The following GLUD1 variants were observed in gnomAD, a reference collection of about 807,000 sequenced individuals.
GLUD1 encodes the protein glutamate dehydrogenase 1, mitochondrial.
In GLUD1, 22 loss-of-function variants were observed where a neutral mutation model predicts 56.0. The observed-to-expected ratio is 0.39, with a 90% CI of 0.28 to 0.56. The LOEUF (loss-of-function observed/expected upper bound fraction) is 0.56. Among genes scored for constraint, GLUD1 ranks in the 20% least tolerant of loss-of-function variants. The pLI, the probability that GLUD1 is intolerant of heterozygous loss-of-function variation, is 0.58. For synonymous variants in GLUD1, 223 were observed against 269.9 expected, an observed-to-expected ratio of 0.83 and a Z score of 1.70; for missense variants, 451 against 732.0, an observed-to-expected ratio of 0.62 and a Z score of 4.43.
In GLUD1 at chr10:87,094,348, T is replaced by A; in HGVS notation, c.422A>T (p.Gln141Leu). Reference sequence around the variant, plus strand: ...ACCTCCCTTGCAGGGCGTGCGGTGCTGGCTGTGCTGGGCCCGGTAGCCTTC... The same window carrying A: ...ACCTCCCTTGCAGGGCGTGCGGTGCAGGCTGTGCTGGGCCCGGTAGCCTTC... ...VIEGYRAQHS[Q>L]HRTPCKGGIR... Residue 141 changes from glutamine to leucine, a missense_variant, in exon 1 of 13, where the codon CAG (glutamine) becomes CTG (leucine). Gln to Leu is a moderately radical substitution (Grantham distance 113, BLOSUM62 -2). Coordinates refer to ENST00000277865, the MANE Select transcript of GLUD1 (RefSeq NM_005271.5). This position sits in a 1 kb window ranked among gnomAD's most constrained non-coding sequence, Gnocchi z 6.6. The A allele has an allele frequency of 6.2e-7, 1 of 1,610,938 alleles. No homozygotes were observed. The highest frequency in any genetic ancestry group is 8.5e-7 in the Non-Finnish European group (1 of 1,179,150).
chr10:87,093,244 A>G (rs1297022123), intron 1 of GLUD1, among the ~76,000 whole-genome samples: 2 of 152,260 alleles, frequency 1.3e-5, no homozygotes, highest in African/African-American at 4.8e-5. Context: ...ACATGGGTCT[A>G]GCCCAACATC....
intron 3 of GLUD1, 97 bp from the exon 4 acceptor site, chr10:87,074,711 A>C: frequency 5.2e-6 from 4 of 770,476 alleles, no homozygotes; most frequent in Non-Finnish European, 9.4e-6. Context: ...GTACATTTTC[A>C]TATGTCTTCT....
At chr10:87,080,398 C>T in intron 1 of GLUD1, among the ~76,000 whole-genome samples, 1 of 151,758 alleles carries the variant, frequency 6.6e-6, no homozygotes. Context: ...CCTGGCCGCC[C>T]ATCGTCTGAG....
chr10:87,071,916 CAA>C (rs1046252916), intron 4 of GLUD1, among the ~76,000 whole-genome samples: 1 of 152,142 alleles, frequency 6.6e-6, no homozygotes, highest in Non-Finnish European at 1.5e-5. Flanking sequence ...TGAAAGAAAT[CAA>C]GAGACCTAAA....
intron 1 of GLUD1, among the ~76,000 whole-genome samples, chr10:87,079,998 G>A (rs1841169806): frequency 6.7e-6 from 1 of 148,554 alleles, no homozygotes; most frequent in Non-Finnish European, 1.5e-5. Flanking sequence ...GCGGAAGCTG[G>A]ACTGTACTGC....
chr10:87,069,896 T>C (rs957444298), intron 4 of GLUD1, among the ~76,000 whole-genome samples: 3 of 152,116 alleles, frequency 2.0e-5, no homozygotes, highest in African/African-American at 7.2e-5. Context: ...TCTTGTGAAG[T>C]CTAATCCCCA....
chr10:87,064,034 C>T (rs1445007059), intron 5 of GLUD1, among the ~76,000 whole-genome samples: 4 of 152,230 alleles, frequency 2.6e-5, no homozygotes, highest in South Asian at 2.1e-4. Context: ...CCCACCATCA[C>T]GCCCGGCTAA....
At position 87,094,438 on chromosome 10, in the gene GLUD1, G is replaced by A. The variant is rs745352192; in HGVS notation, c.332C>T (p.Pro111Leu). ...GGAGAGACTCAGCACATGGTTGCAG[G>A]GCTTGATGATCCGCAGGATGCCGCG... ...RVRGILRIIK[P>L]CNHVLSLSFP... Residue 111 changes from proline (P) to leucine (L), a missense_variant, in exon 1 of 13, where the codon CCC (proline) becomes CTC (leucine). Transcript: ENST00000277865. The surrounding 1 kb of genome is among the most constrained non-coding windows in gnomAD (Gnocchi z 6.6). 2.5e-6 allele frequency: 4 copies of A among 1,613,788 alleles called. No homozygotes were observed. Among genetic ancestry groups the A allele is most frequent in the Non-Finnish European group, 3.4e-6 (4 of 1,179,948 alleles).
At chr10:87,060,476 G>T in intron 8 of GLUD1, 1 of 674,968 alleles carries the variant, frequency 1.5e-6, no homozygotes, top group Non-Finnish European at 2.5e-6. Context: ...GTGTCAGGCA[G>T]ATGCGTTTGT....
In GLUD1 at chr10:87,075,674, C is replaced by T. The variant is rs193177500; in HGVS notation, c.582+294G>A. On this transcript the variant is annotated intron_variant, in intron 3 of 12. Transcript: ENST00000277865. ...CGGTGGCTCATGCCTGCAATCCTAG[C>T]ACTCTGGGAGGCCAAGGCAGGTGGA... Among the ~76,000 whole-genome samples the T allele has an allele frequency of 2.4e-3, 363 of 152,300 alleles. 1 individual carries two copies. Among genetic ancestry groups the T allele is most frequent in the African/African-American group, 8.1e-3 (335 of 41,570 alleles).
chr10:87,054,214 G>A (rs1239174248), intron 11 of GLUD1, among the ~76,000 whole-genome samples: 1 of 152,150 alleles, frequency 6.6e-6, no homozygotes, highest in Admixed American at 6.5e-5. Flanking sequence ...AGGGGACATA[G>A]TAGAGAATAA....
At chr10:87,075,691 G>A (rs1846368526) in intron 3 of GLUD1, among the ~76,000 whole-genome samples, 2 of 152,180 alleles carry the variant, frequency 1.3e-5, no homozygotes, top group Non-Finnish European at 2.9e-5. Flanking sequence ...GGAGGCCAAG[G>A]CAGGTGGATC....
chr10:87,084,062 C>T (rs556736810), intron 1 of GLUD1, among the ~76,000 whole-genome samples: 1 of 151,362 alleles, frequency 6.6e-6, no homozygotes, highest in South Asian at 2.1e-4. Context: ...ATCAAGGCCA[C>T]CCTGCTGACA....
At chr10:87,091,849 A>G (rs1039299955) in intron 1 of GLUD1, among the ~76,000 whole-genome samples, 5 of 151,640 alleles carry the variant, frequency 3.3e-5, no homozygotes, top group African/African-American at 4.9e-5. Context: ...GGGTGGAGAG[A>G]GGCAGATGAG....
chr10:87,066,135 T>C (rs1206876110), intron 5 of GLUD1, among the ~76,000 whole-genome samples: 1 of 152,270 alleles, frequency 6.6e-6, no homozygotes, highest in South Asian at 2.1e-4. Context: ...CCAATAAACA[T>C]GCCAAAAGAC....
intron 4 of GLUD1, among the ~76,000 whole-genome samples, chr10:87,070,925 C>A (rs191360088): frequency 1.3e-5 from 2 of 151,614 alleles, no homozygotes; most frequent in South Asian, 2.1e-4. Context: ...GTCAGGAGAT[C>A]GAGACCATCC....
chr10:87,079,329 T>C (rs1162706308), intron 1 of GLUD1, among the ~76,000 whole-genome samples: 2 of 150,684 alleles, frequency 1.3e-5, no homozygotes, highest in Admixed American at 6.6e-5. Flanking sequence ...TCGAAGATGC[T>C]CAGGAGGCTG....
At chr10:87,063,070 T>G (rs1845977804) in intron 5 of GLUD1, among the ~76,000 whole-genome samples, 2 of 79,038 alleles carry the variant, frequency 2.5e-5, no homozygotes, top group African/African-American at 1.1e-4. Context: ...TTTTTTTTTG[T>G]TTGTTTGTTT....
At chr10:87,088,787 A>G (rs1841446207) in intron 1 of GLUD1, among the ~76,000 whole-genome samples, 1 of 152,248 alleles carries the variant, frequency 6.6e-6, no homozygotes, top group Non-Finnish European at 1.5e-5. Flanking sequence ...TAATAAACAA[A>G]GCATTTTCTT....
Sources: allele counts gnomAD v4.1 joint callset (sites outside exome capture counted in the v4.1 genomes callset), GRCh38; gene constraint gnomAD v4.1.1; non-coding constraint Gnocchi (gnomAD v3.1); transcripts MANE v1.5; gene names NCBI Gene and HGNC (gene_info 2026-07-23, HGNC 2026-07-21).